Variants in TMEM245 observed in about 807,000 individuals in gnomAD.
TMEM245 encodes the protein protein CG-2.
A neutral mutation model predicts 101.2 loss-of-function variants in TMEM245; 69 were observed. The observed-to-expected ratio is 0.68, with a 90% CI of 0.56 to 0.83. The LOEUF (loss-of-function observed/expected upper bound fraction) is 0.83. TMEM245 is among the 40% of genes least tolerant of loss of function. The pLI is 0.00. For missense variants in TMEM245, 1,075 were observed against 1,092.8 expected (o/e 0.98, Z 0.23); for synonymous variants, 537 against 449.8 (o/e 1.19, Z -2.45).
intron 9 of TMEM245, among the ~76,000 whole-genome samples, chr9:109,070,930 G>A (rs555812880): frequency 2.3e-4 from 35 of 152,148 alleles, no homozygotes; most frequent in East Asian, 1.2e-3. Flanking sequence ...CATCCAGGCC[G>A]GAGTGCAGTG....
chr9:109,073,867 T>TTTG (rs1554723992), intron 8 of TMEM245, among the ~76,000 whole-genome samples: 8 of 149,338 alleles, frequency 5.4e-5, no homozygotes, highest in Admixed American at 1.3e-4. Flanking sequence ...TTTTTTTTTT[T>TTTG]TTTTTTTTAG....
intron 3 of TMEM245, among the ~76,000 whole-genome samples, chr9:109,105,257 C>G (rs1377864075): frequency 6.6e-6 from 1 of 152,064 alleles, no homozygotes; most frequent in African/African-American, 2.4e-5. Flanking sequence ...AAAAGATGCT[C>G]AACATCATTA....
intron 9 of TMEM245, among the ~76,000 whole-genome samples, chr9:109,067,034 C>T (rs1299318653): frequency 2.3e-5 from 3 of 131,002 alleles, no homozygotes; most frequent in Non-Finnish European, 4.7e-5. Flanking sequence ...CCAGCCTGGG[C>T]GGCAAGGGCA....
In TMEM245 at chr9:109,050,388, C is replaced by T. The variant is rs1207711992; in HGVS notation, c.2018G>A (p.Ser673Asn). The change falls in exon 14 of 18, where the codon AGT becomes AAT. Residue 673 changes from serine to asparagine, a missense_variant. Around this residue, in one of 2 missense-constraint regions of TMEM245, gnomAD observed 267 missense variants for 351.3 expected, o/e 0.76. Transcript: ENST00000374586. ...CTTCACTGGCTTGTAGTACTCATCA[C>T]TGGAACTTAATAGATAAAATAGTGT... ...LTTLFYLLSS[S>N]DEYYKPVKWV... 6.2e-7 allele frequency: 1 copy of T among 1,613,970 alleles called. No homozygotes were observed. The highest frequency in any genetic ancestry group is 8.5e-7 in the Non-Finnish European group (1 of 1,180,034).
In TMEM245 at chr9:109,068,385, A is replaced by T. The variant is rs1426970864; in HGVS notation, c.1533-3818T>A. ...ACACCATCTCAAAAAAAAAAAAAAA[A>T]AGGCCTTCCTTTTGGGAGGCCAAAG... On this transcript the variant is annotated intron_variant, in intron 9 of 17. Coordinates refer to ENST00000374586, the MANE Select transcript of TMEM245 (RefSeq NM_032012.4). 4.0e-5 allele frequency among the ~76,000 whole-genome samples: 6 copies of T among 151,256 alleles called. 1 individual carries two copies. The highest frequency in any genetic ancestry group is 3.2e-3 in the Middle Eastern group (1 of 316).
Position 109,092,099 on chromosome 9 carries a change from T to C in TMEM245, c.917-944A>G, listed in dbSNP as rs189092471. 5.4e-3 allele frequency among the ~76,000 whole-genome samples: 824 copies of C among 152,362 alleles called. 32 individuals are homozygous for C. Among genetic ancestry groups the C allele is most frequent in the Admixed American group, 0.051 (777 of 15,308 alleles). On this transcript the variant is annotated intron_variant, in intron 4 of 17. Transcript: ENST00000374586. The stretch of plus-strand genomic sequence containing the variant: ...CCTGGTCTTTTACATAGTTGTAGCA[T>C]GTTCTACTTATCCTTTCTCATTCTT...
At chr9:109,036,436 G>C in intron 15 of TMEM245, 56 bp from the exon 16 acceptor site, 2 of 1,469,478 alleles carry the variant, frequency 1.4e-6, no homozygotes, top group Non-Finnish European at 1.8e-6. Flanking sequence ...CACTAACAAA[G>C]CAAAAGAATC....
intron 14 of TMEM245, among the ~76,000 whole-genome samples, chr9:109,046,627 T>C (rs1279964808): frequency 6.6e-6 from 1 of 152,334 alleles, no homozygotes; most frequent in Non-Finnish European, 1.5e-5. Context: ...TTTTGACTTA[T>C]TCACAGATCA....
At chr9:109,083,799 T>C (rs1222125954) in intron 7 of TMEM245, among the ~76,000 whole-genome samples, 3 of 148,320 alleles carry the variant, frequency 2.0e-5, no homozygotes, top group African/African-American at 7.5e-5. Flanking sequence ...CTCACACCTA[T>C]AATCCTAACA....
intron 14 of TMEM245, among the ~76,000 whole-genome samples, chr9:109,048,717 T>C (rs577494645): frequency 9.1e-4 from 139 of 152,274 alleles, no homozygotes; most frequent in Non-Finnish European, 1.4e-3. Context: ...GGGTCCTCCC[T>C]ACCAGAAATG....
At chr9:109,086,707 G>A (rs1041712102) in intron 6 of TMEM245, among the ~76,000 whole-genome samples, 1 of 152,086 alleles carries the variant, frequency 6.6e-6, no homozygotes, top group Non-Finnish European at 1.5e-5. Flanking sequence ...AAATCTAACC[G>A]CCATCTCTGA....
chr9:109,108,935 T>C (rs1830499551), intron 1 of TMEM245, among the ~76,000 whole-genome samples: 1 of 152,042 alleles, frequency 6.6e-6, no homozygotes, highest in African/African-American at 2.4e-5. Flanking sequence ...GATCAATGTT[T>C]AGAAAAGAAA....
chr9:109,119,725 C>G lies in TMEM245; in HGVS notation c.189G>C (p.Val63=). Residue 63 remains valine (V), a synonymous_variant, in exon 1 of 18, where the codon GTG becomes GTC. Transcript: ENST00000374586. ...GCACCGCGGCGCCGCAGCACAGGCACACGAACAGCACGGCCCCGGTGTTGT... is the reference window on the plus strand; with the variant it reads ...GCACCGCGGCGCCGCAGCACAGGCAGACGAACAGCACGGCCCCGGTGTTGT... ...AFYNTGAVLF[V]CLCCGAAVLV... is the part of the protein sequence containing the mutation. 1 of 1,544,696 alleles carries G rather than the reference C, an allele frequency of 6.5e-7. No individual in the cohort carries two copies. Among genetic ancestry groups the G allele is most frequent in the Middle Eastern group, 1.7e-4 (1 of 5,894 alleles).
chr9:109,086,030 AG>A lies in TMEM245; in HGVS notation c.1321-11del. 1 of 1,607,484 alleles carries A rather than the reference AG, an allele frequency of 6.2e-7. No homozygotes were observed. Among genetic ancestry groups the A allele is most frequent in the South Asian group, 1.1e-5 (1 of 91,030 alleles). On this transcript the variant is annotated splice_polypyrimidine_tract_variant and intron_variant, in intron 6 of 17. Coordinates refer to ENST00000374586, the MANE Select transcript of TMEM245 (RefSeq NM_032012.4). ...TTAGCCAGTGCCAGAGCTTGAGGAT[AG>A]GGGGTAAGGTGAGAAAGAGAAGATA...
intron 3 of TMEM245, among the ~76,000 whole-genome samples, chr9:109,105,294 C>A (rs771727827): frequency 3.5e-4 from 53 of 152,022 alleles, no homozygotes; most frequent in Non-Finnish European, 5.6e-4. Context: ...AAATGAAAAC[C>A]ATAATGAGAT....
At chr9:109,102,347 T>C (rs1202401436) in intron 3 of TMEM245, among the ~76,000 whole-genome samples, 1 of 152,176 alleles carries the variant, frequency 6.6e-6, no homozygotes, top group Admixed American at 6.5e-5. Flanking sequence ...ATTCTAAATA[T>C]ATATTTACAA....
chr9:109,024,636 T>A (rs899978734), intron 17 of TMEM245, among the ~76,000 whole-genome samples: 3 of 152,202 alleles, frequency 2.0e-5, no homozygotes, highest in African/African-American at 7.2e-5. Context: ...ACAAAAAGGG[T>A]ACTTTGAGTA....
intron 17 of TMEM245, among the ~76,000 whole-genome samples, chr9:109,025,435 A>G (rs1442555014): frequency 6.6e-6 from 1 of 152,238 alleles, no homozygotes; most frequent in African/African-American, 2.4e-5. Context: ...AGGTTAAGAA[A>G]GCGTGTACAA....
At chr9:109,024,100 C>T (rs1827723276) in intron 17 of TMEM245, among the ~76,000 whole-genome samples, 1 of 152,098 alleles carries the variant, frequency 6.6e-6, no homozygotes, top group Non-Finnish European at 1.5e-5. Context: ...TTTAACAACT[C>T]AAGACTTGTT....
Sources: allele counts gnomAD v4.1 joint callset (sites outside exome capture counted in the v4.1 genomes callset), GRCh38; gene constraint gnomAD v4.1.1; regional missense constraint gnomAD v4.1.1; transcripts MANE v1.5; gene names NCBI Gene and HGNC (gene_info 2026-07-23, HGNC 2026-07-21).